The following RABGEF1 variants were observed in gnomAD, a reference collection of about 807,000 sequenced individuals.
The protein encoded by RABGEF1 is RAB guanine nucleotide exchange factor 1, also known as rab5 GDP/GTP exchange factor.
A neutral mutation model predicts 57.3 loss-of-function variants in RABGEF1; 26 were observed. The ratio of observed to expected loss-of-function variants is 0.45; its 90% CI spans 0.33 to 0.63. The LOEUF (loss-of-function observed/expected upper bound fraction) is 0.63. Among genes scored for constraint, RABGEF1 ranks in the 20% least tolerant of loss-of-function variants. The pLI, the probability that RABGEF1 is intolerant of heterozygous loss-of-function variation, is 0.02. For synonymous variants in RABGEF1, 185 were observed against 210.7 expected (o/e 0.88, Z 1.06); for missense variants, 464 against 607.6 (o/e 0.76, Z 2.48).
chr7:66,788,547 C>T (rs1811789286), intron 4 of RABGEF1, among the ~76,000 whole-genome samples: 1 of 152,088 alleles, frequency 6.6e-6, no homozygotes, highest in Non-Finnish European at 1.5e-5. Context: ...CTTAATACTC[C>T]ATTCATGGCA....
intron 1 of RABGEF1, among the ~76,000 whole-genome samples, chr7:66,711,266 A>T (rs1314811724): frequency 1.3e-5 from 2 of 152,166 alleles, no homozygotes; most frequent in East Asian, 3.8e-4. Flanking sequence ...TTTATTTTGC[A>T]AATTGTGGTT....
chr7:66,678,911 C>G (rs1361432755), upstream of RABGEF1, among the ~76,000 whole-genome samples: 1 of 152,154 alleles, frequency 6.6e-6, no homozygotes, highest in Non-Finnish European at 1.5e-5. Flanking sequence ...CTGAGTTAAA[C>G]AAGAAAGTAC....
chr7:66,782,668 A>C (rs1410598678), intron 3 of RABGEF1, among the ~76,000 whole-genome samples: 1 of 151,470 alleles, frequency 6.6e-6, no homozygotes, highest in East Asian at 1.9e-4. Flanking sequence ...GAGAGCAGCT[A>C]CTCGGAGACT....
chr7:66,772,485 A>G (rs889855092), intron 2 of RABGEF1, among the ~76,000 whole-genome samples: 1 of 152,246 alleles, frequency 6.6e-6, no homozygotes, highest in Non-Finnish European at 1.5e-5. Context: ...CATGGCATCT[A>G]GCTCAGTGAT....
chr7:66,789,835 G>A (rs1437424888), intron 4 of RABGEF1, among the ~76,000 whole-genome samples: 1 of 152,104 alleles, frequency 6.6e-6, no homozygotes, highest in Non-Finnish European at 1.5e-5. Flanking sequence ...CATGCGTGAG[G>A]CTGGTGCCAT....
intron 3 of RABGEF1, among the ~76,000 whole-genome samples, chr7:66,777,307 A>G (rs1453950038): frequency 2.6e-5 from 4 of 152,216 alleles, no homozygotes; most frequent in African/African-American, 4.8e-5. Context: ...GTGAAAGTCC[A>G]TAAAGGTTAA....
chr7:66,764,613 C>T (rs4717318), intron 1 of RABGEF1, among the ~76,000 whole-genome samples: 6,008 of 152,246 alleles, frequency 0.039, 165 homozygotes, highest in East Asian at 0.086. Flanking sequence ...TTGATTGATT[C>T]TGAGTTAGTT....
intron 1 of RABGEF1, among the ~76,000 whole-genome samples, chr7:66,683,401 C>T: frequency 6.6e-6 from 1 of 152,214 alleles, no homozygotes; most frequent in Non-Finnish European, 1.5e-5. Context: ...GTTACTGATT[C>T]ATATCCTCAA....
chr7:66,739,211 A>G (rs1159001032), upstream of RABGEF1, among the ~76,000 whole-genome samples: 1 of 151,674 alleles, frequency 6.6e-6, no homozygotes, highest in Non-Finnish European at 1.5e-5. Flanking sequence ...CGGCTTCCCA[A>G]AGTGCTAGGA....
intron 1 of RABGEF1, among the ~76,000 whole-genome samples, chr7:66,767,333 A>G (rs1407239105): frequency 1.3e-5 from 2 of 152,038 alleles, no homozygotes; most frequent in Admixed American, 6.6e-5. Context: ...ATCATAGAGT[A>G]AAATTGATCT....
chr7:66,806,805 G>T (rs893833285), intron 8 of RABGEF1, among the ~76,000 whole-genome samples: 4 of 151,910 alleles, frequency 2.6e-5, no homozygotes, highest in African/African-American at 9.7e-5. Context: ...CACCATGCCC[G>T]GCTAATGTTT....
chr7:66,803,993 G>T (rs571891418), intron 7 of RABGEF1, among the ~76,000 whole-genome samples: 1 of 152,220 alleles, frequency 6.6e-6, no homozygotes, highest in African/African-American at 2.4e-5. Context: ...CAATCAGCAG[G>T]TGTGAATGTT....
At chr7:66,665,882 G>C in the RABGEF1 span, among the ~76,000 whole-genome samples, 43 of 152,264 alleles carry the variant, frequency 2.8e-4, 1 homozygote, top group East Asian at 8.1e-3. Context: ...ATTTCATTCC[G>C]GTGTGATGAG....
At chr7:66,756,419 C>G (rs1170535418) in intron 1 of RABGEF1, among the ~76,000 whole-genome samples, 2 of 152,180 alleles carry the variant, frequency 1.3e-5, no homozygotes, top group Non-Finnish European at 2.9e-5. Context: ...CATTCCGTTT[C>G]TGTTTCTAGC....
At chr7:66,792,599 G>C (rs76564753) in intron 4 of RABGEF1, among the ~76,000 whole-genome samples, 2 of 152,276 alleles carry the variant, frequency 1.3e-5, no homozygotes, top group African/African-American at 2.4e-5. Flanking sequence ...TCTCTTGAAG[G>C]AGGCACTATC....
chr7:66,795,909 C>A (rs1240691185), intron 5 of RABGEF1, among the ~76,000 whole-genome samples: 1 of 152,184 alleles, frequency 6.6e-6, no homozygotes, highest in Admixed American at 6.5e-5. Context: ...GAGGCTAAAG[C>A]AGGCGGATCA....
At chr7:66,744,339 C>T (rs1488724535) in intron 1 of RABGEF1, among the ~76,000 whole-genome samples, 1 of 150,496 alleles carries the variant, frequency 6.6e-6, no homozygotes, top group African/African-American at 2.4e-5. Context: ...TGGAGACCAG[C>T]CTGGGCAAAA....
chr7:66,685,754 A>G (rs1790527719), intron 1 of RABGEF1, among the ~76,000 whole-genome samples: 1 of 152,228 alleles, frequency 6.6e-6, no homozygotes, highest in Non-Finnish European at 1.5e-5. Context: ...TGATGTCTAC[A>G]TATACAACTA....
rs189907988 is a variant in RABGEF1, at chr7:66,721,611, C to G, written c.-815+9387C>G. ...CTGACTCTGACCCTCCTGCCTCCCCCCTTATGAGAAACTTTGCAGTGGGAC... is the reference window on the plus strand; with the variant it reads ...CTGACTCTGACCCTCCTGCCTCCCCGCTTATGAGAAACTTTGCAGTGGGAC... On this transcript the variant is annotated intron_variant and NMD_transcript_variant, in intron 2 of 9. Coordinates refer to the RABGEF1 transcript ENST00000607882. Among the ~76,000 whole-genome samples, 71 of 152,210 alleles carry G rather than the reference C, an allele frequency of 4.7e-4. 1 individual carries two copies. Among genetic ancestry groups the G allele is most frequent in the South Asian group, 4.4e-3 (21 of 4,824 alleles).
Sources: allele counts gnomAD v4.1 joint callset (sites outside exome capture counted in the v4.1 genomes callset), GRCh38; gene constraint gnomAD v4.1.1; transcripts MANE v1.5; gene names NCBI Gene and HGNC (gene_info 2026-07-23, HGNC 2026-07-21).